Variants in ZNF454 observed in about 807,000 individuals in gnomAD.
ZNF454 encodes the protein zinc finger protein 454.
In ZNF454, 30 loss-of-function variants were observed where a neutral mutation model predicts 48.2. The ratio of observed to expected loss-of-function variants is 0.62; its 90% CI spans 0.47 to 0.84. The LOEUF is 0.84. Ranked by LOEUF, ZNF454 falls within the 40% of genes least tolerant of loss-of-function variation. ZNF454 has a pLI of 0.00. For missense variants in ZNF454, 510 were observed against 623.1 expected, an observed-to-expected ratio of 0.82 and a Z score of 1.93; for synonymous variants, 204 against 211.4, an observed-to-expected ratio of 0.97 and a Z score of 0.30.
the ZNF454 span, chr5:178,986,838 A>T: frequency 6.2e-7 from 1 of 1,613,788 alleles, no homozygotes; most frequent in South Asian, 1.1e-5. Flanking sequence ...GCACACTCAC[A>T]TCCAGTCTGA....
downstream of ZNF454, among the ~76,000 whole-genome samples, chr5:178,970,434 C>T (rs1243068351): frequency 6.6e-6 from 1 of 152,202 alleles, no homozygotes; most frequent in African/African-American, 2.4e-5. Context: ...TGTTTCTGAT[C>T]ACTCAAGGAC....
the ZNF454 span, chr5:178,986,948 C>T: frequency 7.4e-6 from 12 of 1,613,896 alleles, no homozygotes; most frequent in African/African-American, 8.0e-5. Flanking sequence ...GGCGCATCTC[C>T]GTTCTCGTTG....
the ZNF454 span, among the ~76,000 whole-genome samples, chr5:178,973,163 C>T: frequency 5.3e-5 from 8 of 151,600 alleles, no homozygotes; most frequent in Non-Finnish European, 1.2e-4. Flanking sequence ...CACACCTCCC[C>T]TTCCCTCCTC....
chr5:178,986,241 C>G, the ZNF454 span: 1 of 1,614,158 alleles, frequency 6.2e-7, no homozygotes, highest in South Asian at 1.1e-5. Flanking sequence ...TACGGTTGGT[C>G]TTGGTGAGCA....
rs562861821 is a variant in ZNF454 at position 178,949,163 on chromosome 5, G to A, written c.250+2177G>A. On this transcript the variant is annotated intron_variant, in intron 4 of 4. Transcript: ENST00000519564. The stretch of plus-strand genomic sequence containing the variant: ...TCTCCCGAGTTCAAGCGATTCTCCT[G>A]CCTCTGCCTCCCAAGTAGCTGGGAT... 3.3e-4 allele frequency among the ~76,000 whole-genome samples: 50 copies of A among 152,184 alleles called. No individual in the cohort carries two copies. The South Asian group carries it at 0.01, about 32-fold the overall frequency.
the ZNF454 span, chr5:178,989,196 G>GC: frequency 1.4e-6 from 2 of 1,415,596 alleles, no homozygotes; most frequent in Non-Finnish European, 1.9e-6. Context: ...CCGGCCTCCC[G>GC]CCTTCCCCCT....
the ZNF454 span, chr5:178,986,727 G>T: frequency 6.2e-7 from 1 of 1,605,406 alleles, no homozygotes; most frequent in Non-Finnish European, 8.5e-7. Context: ...CCTCGTGGGG[G>T]TCGCCAGACC....
chr5:178,974,382 G>T, the ZNF454 span, among the ~76,000 whole-genome samples: 2 of 152,124 alleles, frequency 1.3e-5, no homozygotes, highest in Non-Finnish European at 2.9e-5. Context: ...GCACTGGCGC[G>T]ATCTTGGCTC....
chr5:178,968,851 G>A (rs1268130334), downstream of ZNF454: 1 of 456,728 alleles, frequency 2.2e-6, no homozygotes, highest in Admixed American at 2.3e-5. Flanking sequence ...ACCAAGGCGT[G>A]CAGCCACTTG....
chr5:178,986,971 G>T, the ZNF454 span: 3 of 1,613,812 alleles, frequency 1.9e-6, no homozygotes, highest in East Asian at 2.2e-5. Context: ...CATCACAGGG[G>T]TTCCTGCGCT....
chr5:178,978,531 C>G, the ZNF454 span: 5 of 152,212 alleles, frequency 3.3e-5, no homozygotes, highest in Non-Finnish European at 7.3e-5. Context: ...TATACAGAAG[C>G]TCTTCTGTAG....
chr5:178,985,579 T>C, the ZNF454 span: 10 of 344,668 alleles, frequency 2.9e-5, no homozygotes, highest in Non-Finnish European at 5.1e-5. Flanking sequence ...GGCGGGCGCC[T>C]GTAGTCCCAG....
intron 4 of ZNF454, among the ~76,000 whole-genome samples, chr5:178,958,256 C>A (rs1239110682): frequency 6.6e-6 from 1 of 152,170 alleles, no homozygotes; most frequent in Non-Finnish European, 1.5e-5. Flanking sequence ...TTGTAACCAC[C>A]CAGTCCCCTC....
intron 4 of ZNF454, among the ~76,000 whole-genome samples, chr5:178,949,153 C>T (rs1231790807): frequency 6.6e-6 from 1 of 152,040 alleles, no homozygotes; most frequent in East Asian, 1.9e-4. Context: ...CGAGTTCAAG[C>T]GATTCTCCTG....
the ZNF454 span, chr5:178,983,499 T>C: frequency 2.3e-5 from 15 of 645,256 alleles, no homozygotes; most frequent in Middle Eastern, 7.2e-4. Context: ...CAGTGCAGTG[T>C]GCATAAGGGG....
the ZNF454 span, chr5:178,985,403 TTA>T: frequency 3.1e-6 from 1 of 318,120 alleles, no homozygotes; most frequent in Non-Finnish European, 6.0e-6. Flanking sequence ...TCCTGTGGCC[TTA>T]AAAAAAAAAA....
At position 178,946,389 on chromosome 5, in the gene ZNF454, C is replaced by T; in HGVS notation, c.64C>T (p.Leu22=). ...ESVTFKDVAI[L]FTQEEWGQLS... is the part of the protein sequence containing the mutation. Reference sequence around the variant, plus strand: ...GGTGACCTTCAAGGATGTGGCTATACTGTTCACCCAGGAAGAGTGGGGGCA... The same window carrying T: ...GGTGACCTTCAAGGATGTGGCTATATTGTTCACCCAGGAAGAGTGGGGGCA... Residue 22 remains leucine, a synonymous_variant, in exon 3 of 5, where the codon CTG becomes TTG. Transcript: ENST00000519564. This position sits in a 1 kb window ranked among gnomAD's most constrained non-coding sequence, Gnocchi z 4.5. 6.2e-7 allele frequency: 1 copy of T among 1,613,194 alleles called. No individual in the cohort carries two copies. Among genetic ancestry groups the T allele is most frequent in the Non-Finnish European group, 8.5e-7 (1 of 1,179,654 alleles).
chr5:178,944,865 G>A lies in ZNF454; in HGVS notation c.34-1494G>A, dbSNP rs1271249664. 6.6e-6 allele frequency among the ~76,000 whole-genome samples: 1 copy of A among 152,148 alleles called. No homozygotes were observed. The highest frequency in any genetic ancestry group is 1.5e-5 in the Non-Finnish European group (1 of 68,030). Reference sequence around the variant, plus strand: ...GATTTTACATGCTAGGTTAGGTTTCGGCTACACCTGTGTGTCAGGACAGAG... The same window carrying A: ...GATTTTACATGCTAGGTTAGGTTTCAGCTACACCTGTGTGTCAGGACAGAG... On this transcript the variant is annotated intron_variant, in intron 2 of 4. Transcript: ENST00000519564. This position sits in a 1 kb window ranked among gnomAD's most constrained non-coding sequence, Gnocchi z 4.1.
chr5:178,960,609 A>G (rs899154097), intron 4 of ZNF454, among the ~76,000 whole-genome samples: 2 of 151,564 alleles, frequency 1.3e-5, no homozygotes, highest in African/African-American at 4.8e-5. Flanking sequence ...TGCCATATGA[A>G]CATTTTTCAC....
Sources: allele counts gnomAD v4.1 joint callset (sites outside exome capture counted in the v4.1 genomes callset), GRCh38; gene constraint gnomAD v4.1.1; non-coding constraint Gnocchi (gnomAD v3.1); transcripts MANE v1.5; gene names NCBI Gene and HGNC (gene_info 2026-07-23, HGNC 2026-07-21).